GMDS: variants seen among roughly 807,000 people sequenced by gnomAD.
GMDS encodes the protein GDP-mannose 4,6 dehydratase.
GMDS carries 20 observed loss-of-function variants against 49.9 expected under a neutral mutation model. The observed-to-expected ratio is 0.40, with a 90% CI of 0.28 to 0.58. The LOEUF (loss-of-function observed/expected upper bound fraction) is 0.58. Ranked by LOEUF, GMDS falls within the 20% of genes least tolerant of loss-of-function variation. GMDS has a pLI of 0.42. For synonymous variants in GMDS, 177 were observed against 178.6 expected, an observed-to-expected ratio of 0.99 and a Z score of 0.07; for missense variants, 362 against 481.4, an observed-to-expected ratio of 0.75 and a Z score of 2.32.
chr6:2,213,597 G>T (rs1248140570), intron 1 of GMDS, among the ~76,000 whole-genome samples: 1 of 152,118 alleles, frequency 6.6e-6, no homozygotes, highest in Non-Finnish European at 1.5e-5. Context: ...ATAAAACAAG[G>T]GTAGTCCCAG....
In GMDS at chr6:1,624,151, C is replaced by A; in HGVS notation, c.*18G>T. 6.2e-7 allele frequency: 1 copy of A among 1,604,316 alleles called. No individual in the cohort carries two copies. Among genetic ancestry groups the A allele is most frequent in the South Asian group, 1.1e-5 (1 of 91,034 alleles). ...CGGGGATTGTAGCCGGAGGGCGGGC[C>A]GGGCTCCGAGGCGCTGCTCAGGCAT... On this transcript the variant is annotated 3_prime_UTR_variant, in exon 11 of 11. Coordinates refer to ENST00000380815, the MANE Select transcript of GMDS (RefSeq NM_001500.4).
At chr6:2,059,175 C>CA (rs55832305) in intron 4 of GMDS, among the ~76,000 whole-genome samples, 890 of 30,034 alleles carry the variant, frequency 0.03, 216 homozygotes, top group African/African-American at 0.066. Context: ...TCCTCTGTCT[C>CA]AAAAAAAAAA....
chr6:1,722,062 C>CTTTTT (rs11356149), intron 9 of GMDS, among the ~76,000 whole-genome samples: 7 of 80,234 alleles, frequency 8.7e-5, no homozygotes, highest in African/African-American at 1.6e-4. Flanking sequence ...GCTATCACGT[C>CTTTTT]TTTTTTTTTT....
intron 1 of GMDS, among the ~76,000 whole-genome samples, chr6:2,125,735 T>A (rs1238273303): frequency 6.6e-6 from 1 of 151,998 alleles, no homozygotes; most frequent in Non-Finnish European, 1.5e-5. Flanking sequence ...GGAAGGTGAG[T>A]ACCTTTGGAG....
At chr6:2,098,210 C>T (rs1025728532) in intron 4 of GMDS, among the ~76,000 whole-genome samples, 1 of 152,156 alleles carries the variant, frequency 6.6e-6, no homozygotes, top group African/African-American at 2.4e-5. Context: ...AGGTGCCCAC[C>T]ACCACACCCG....
chr6:2,115,575 T>C (rs1774799995), intron 4 of GMDS, among the ~76,000 whole-genome samples, 196 bp downstream of exon 4: 2 of 152,226 alleles, frequency 1.3e-5, no homozygotes, highest in African/African-American at 2.4e-5. Flanking sequence ...TTTTATTATA[T>C]TGTTTAATAA....
At position 2,059,175 on chromosome 6, in the gene GMDS, C is replaced by CAAAA. The variant is rs55832305; in HGVS notation, c.345+56592_345+56595dup. On this transcript the variant is annotated intron_variant, in intron 4 of 10. Coordinates refer to ENST00000380815, the MANE Select transcript of GMDS (RefSeq NM_001500.4). The stretch of plus-strand genomic sequence containing the variant: ...TGGGCGACAGAGTGATCCTCTGTCT[C>CAAAA]AAAAAAAAAAAAAAAAAAAAAAAAA... Among the ~76,000 whole-genome samples the CAAAA allele has an allele frequency of 5.7e-4, 17 of 30,014 alleles. 2 individuals are homozygous for CAAAA. Among genetic ancestry groups the CAAAA allele is most frequent in the African/African-American group, 1.7e-3 (13 of 7,590 alleles). The allele number at this position is 30,014 out of a possible 152,430, so 19.7% of individuals were successfully genotyped here.
chr6:1,700,810 A>T (rs1765516606), intron 9 of GMDS, among the ~76,000 whole-genome samples: 1 of 152,204 alleles, frequency 6.6e-6, no homozygotes. Context: ...ACCTCCACCA[A>T]GAACAGGAAT....
intron 7 of GMDS, among the ~76,000 whole-genome samples, chr6:1,753,098 T>C (rs1349168983): frequency 1.3e-5 from 2 of 152,018 alleles, no homozygotes; most frequent in Non-Finnish European, 2.9e-5. Flanking sequence ...GCAAACTGGA[T>C]AAAGAGTCAA....
At position 1,724,959 on chromosome 6, in the gene GMDS, T is replaced by C. The variant is rs139239295; in HGVS notation, c.987+1457A>G. Reference sequence around the variant, plus strand: ...TTCCTTTCCTTTTTATTTCCTCCTGTGTGGTAGAGTGCATGAAATACAGTT... The same window carrying C: ...TTCCTTTCCTTTTTATTTCCTCCTGCGTGGTAGAGTGCATGAAATACAGTT... On this transcript the variant is annotated intron_variant, in intron 9 of 10. Coordinates refer to ENST00000380815, the MANE Select transcript of GMDS (RefSeq NM_001500.4). Among the ~76,000 whole-genome samples the C allele has an allele frequency of 4.1e-4, 63 of 152,332 alleles. No homozygotes were observed. In the East Asian group the frequency reaches 0.011, roughly 26 times the overall value.
intron 1 of GMDS, among the ~76,000 whole-genome samples, chr6:2,170,273 A>G (rs1352184047): frequency 6.6e-6 from 1 of 152,156 alleles, no homozygotes; most frequent in Non-Finnish European, 1.5e-5. Flanking sequence ...AGAGAATGTT[A>G]TTACTTACAG....
chr6:2,024,202 C>T (rs60943225), intron 4 of GMDS, among the ~76,000 whole-genome samples: 1,710 of 152,110 alleles, frequency 0.011, 37 homozygotes, highest in African/African-American at 0.04. Context: ...TTGTAACTAG[C>T]CAAAATACTA....
chr6:2,208,279 T>TA (rs1212572429), intron 1 of GMDS, among the ~76,000 whole-genome samples: 4 of 152,216 alleles, frequency 2.6e-5, no homozygotes, highest in African/African-American at 4.8e-5. Flanking sequence ...AGAAAAGATT[T>TA]ATCCATCATT....
intron 4 of GMDS, among the ~76,000 whole-genome samples, chr6:2,050,590 G>C (rs556617786): frequency 5.1e-4 from 78 of 152,274 alleles, no homozygotes; most frequent in Middle Eastern, 3.4e-3. Flanking sequence ...GAGAATTTTA[G>C]ACCAATATCC....
chr6:1,638,549 C>T (rs1763235047), intron 9 of GMDS, among the ~76,000 whole-genome samples: 1 of 148,016 alleles, frequency 6.8e-6, no homozygotes, highest in Admixed American at 6.7e-5. Flanking sequence ...CGTGAGACTC[C>T]CAGACTTCCT....
At chr6:2,096,980 A>G (rs983848829) in intron 4 of GMDS, among the ~76,000 whole-genome samples, 5 of 152,314 alleles carry the variant, frequency 3.3e-5, no homozygotes, top group Middle Eastern at 3.4e-3. Flanking sequence ...TCTTTTTTAT[A>G]TAGTCACTAA....
chr6:1,915,325 G>A (rs527428242), intron 7 of GMDS, among the ~76,000 whole-genome samples: 14 of 152,336 alleles, frequency 9.2e-5, no homozygotes, highest in Admixed American at 8.5e-4. Context: ...AGACAAGGCG[G>A]GAAATGGCCA....
intron 9 of GMDS, among the ~76,000 whole-genome samples, chr6:1,649,017 T>C (rs1763569560): frequency 6.6e-6 from 1 of 152,238 alleles, no homozygotes. Flanking sequence ...TACACACATA[T>C]AATTACAACT....
At chr6:2,130,529 C>A (rs1190282698) in intron 1 of GMDS, among the ~76,000 whole-genome samples, 1 of 152,214 alleles carries the variant, frequency 6.6e-6, no homozygotes, top group South Asian at 2.1e-4. Flanking sequence ...GTTGCACATA[C>A]ACCTCAAACC....
Sources: gnomAD v4.1 joint callset for allele counts (sites outside exome capture counted in the v4.1 genomes callset) on GRCh38, gnomAD v4.1.1 for gene constraint, MANE v1.5 for transcripts, NCBI Gene and HGNC (gene_info 2026-07-23, HGNC 2026-07-21) for gene names.